Variants in TRIB2 observed in about 807,000 individuals in gnomAD.
TRIB2 encodes tribbles pseudokinase 2.
A neutral mutation model predicts 26.8 loss-of-function variants in TRIB2; 2 were observed. That is an observed-to-expected ratio of 0.07 (90% CI 0.03 to 0.24). The LOEUF (loss-of-function observed/expected upper bound fraction) is 0.24. Among genes scored for constraint, TRIB2 ranks in the 10% least tolerant of loss-of-function variants. The pLI is 1.00. For missense variants in TRIB2, 306 were observed against 449.0 expected (o/e 0.68, Z 2.88); for synonymous variants, 189 against 187.3 (o/e 1.01, Z -0.08).
At chr2:12,735,950 C>T (rs901316421) in intron 2 of TRIB2, among the ~76,000 whole-genome samples, 2 of 152,056 alleles carry the variant, frequency 1.3e-5, no homozygotes, top group Admixed American at 1.3e-4. Flanking sequence ...CACGAAGTAT[C>T]GGGCCTAGAT....
At position 12,716,978 on chromosome 2, in the gene TRIB2, C is replaced by G. The variant is rs1666603906; in HGVS notation, c.-1330C>G. On this transcript the variant is annotated 5_prime_UTR_variant, in exon 1 of 3. Transcript: ENST00000155926. ...AGGCGCGCGCGCGCACACGCGCACT[C>G]ACGGCCCCGCTCGCTCCGAGATCCC... The G allele has an allele frequency of 1.3e-5, 2 of 156,482 alleles. No homozygotes were observed. The highest frequency in any genetic ancestry group is 1.3e-4 in the Admixed American group (2 of 15,374). 9.7% of individuals were successfully genotyped at this position (156,482 alleles called of 1,614,324 possible).
At chr2:12,727,997 A>G (rs1169040705) in intron 2 of TRIB2, among the ~76,000 whole-genome samples, 1 of 152,152 alleles carries the variant, frequency 6.6e-6, no homozygotes, top group African/African-American at 2.4e-5. Flanking sequence ...CCCATGTTTC[A>G]GGCCCCTCCA....
In TRIB2 at chr2:12,718,272, G is replaced by GTTTTTTTTT; in HGVS notation, c.-35_-27dup. The stretch of plus-strand genomic sequence containing the variant: ...CGCCAGCGACTCATCTCTCCAGCGG[G>GTTTTTTTTT]TTTTTTTTTGTTTGTCGTGTGCGAT... On this transcript the variant is annotated 5_prime_UTR_variant, in exon 1 of 3. Transcript: ENST00000155926. This position sits in a 1 kb window ranked among gnomAD's most constrained non-coding sequence, Gnocchi z 4.0. 1 of 1,578,662 alleles carries GTTTTTTTTT rather than the reference G, an allele frequency of 6.3e-7. No homozygotes were observed. The highest frequency in any genetic ancestry group is 8.6e-7 in the Non-Finnish European group (1 of 1,158,982).
At chr2:12,724,507 A>T in intron 2 of TRIB2, 2 of 1,461,508 alleles carry the variant, frequency 1.4e-6, no homozygotes, top group East Asian at 4.6e-5. Flanking sequence ...CATAATGTGG[A>T]GACCAGCTCA....
In TRIB2 at chr2:12,723,268, T is replaced by C. The variant is rs1452098657; in HGVS notation, c.279T>C (p.Asp93=). 3.7e-6 allele frequency: 6 copies of C among 1,612,948 alleles called. No individual in the cohort carries two copies. The South Asian group carries it at 6.6e-5, about 18-fold the overall frequency. The change falls in exon 2 of 3, where the codon GAT becomes GAC. Residue 93 remains aspartate, a synonymous_variant. Transcript: ENST00000155926. The stretch of plus-strand genomic sequence containing the variant: ...TGTTAATCCTGTCGTAGGTGTTTGA[T>C]ATCAGCTGCTACCAGGAATCCCTGG... The part of the protein sequence containing the change: ...SGEELVCKVF[D]ISCYQESLAP...
chr2:12,736,627 G>A (rs1017889786), intron 2 of TRIB2, among the ~76,000 whole-genome samples: 2 of 152,150 alleles, frequency 1.3e-5, no homozygotes, highest in Non-Finnish European at 2.9e-5. Context: ...CCCTGGGGTC[G>A]ACAGCAGGAC....
At position 12,740,589 on chromosome 2, in the gene TRIB2, C is replaced by G. The variant is rs773967204; in HGVS notation, c.827C>G (p.Thr276Ser). 1.2e-6 allele frequency: 2 copies of G among 1,614,244 alleles called. No homozygotes were observed. Among genetic ancestry groups the G allele is most frequent in the Admixed American group, 3.3e-5 (2 of 60,026 alleles). Residue 276 changes from threonine to serine, a missense_variant, in exon 3 of 3, where the codon ACT becomes AGT. This residue lies in a region of TRIB2 where 78 missense variants were observed against 104.9 expected (regional missense o/e 0.74). Coordinates refer to ENST00000155926, the MANE Select transcript of TRIB2 (RefSeq NM_021643.4). The surrounding 1 kb of genome is among the most constrained non-coding windows in gnomAD (Gnocchi z 5.8). ...IRRGQFNIPE[T>S]LSPKAKCLIR... is the part of the protein sequence containing the mutation. The stretch of plus-strand genomic sequence containing the variant: ...CGTGGCCAGTTCAACATTCCAGAGA[C>G]TCTGTCGCCCAAGGCCAAGTGCCTC...
Position 12,742,420 on chromosome 2 carries a change from C to CA in TRIB2, c.*1627dup, listed in dbSNP as rs1221455475. The CA allele has an allele frequency of 1.3e-5, 2 of 152,660 alleles. No homozygotes were observed. Among genetic ancestry groups the CA allele is most frequent in the Admixed American group, 6.5e-5 (1 of 15,288 alleles). The allele number at this position is 152,660 out of a possible 1,614,324, so 9.5% of individuals were successfully genotyped here. A position where few individuals can be genotyped will look rare whatever the true frequency, so the allele number is the denominator to read the frequency against. ...GCCTGCGCAGCAGGAGCCCTGTCCTCACGTTCCCAGGAGGGCGGCTTCACC... is the reference window on the plus strand; with the variant it reads ...GCCTGCGCAGCAGGAGCCCTGTCCTCAACGTTCCCAGGAGGGCGGCTTCACC... On this transcript the variant is annotated 3_prime_UTR_variant, in exon 3 of 3. Coordinates refer to ENST00000155926, the MANE Select transcript of TRIB2 (RefSeq NM_021643.4).
At chr2:12,725,173 C>T (rs1360032559) in intron 2 of TRIB2, among the ~76,000 whole-genome samples, 1 of 152,230 alleles carries the variant, frequency 6.6e-6, no homozygotes, top group African/African-American at 2.4e-5. Context: ...AATGCCCTCT[C>T]TCGCAGGGAT....
Position 12,723,439 on chromosome 2 carries a change from G to A in TRIB2, c.450G>A (p.Glu150=). ...GCACCTGCAAGAAGCTGAGAGAGGA[G>A]GAGGCAGCCAGACTGTTCTACCAGA... ...FVRTCKKLRE[E]EAARLFYQIA... is the part of the protein sequence containing the mutation. The change falls in exon 2 of 3, where the codon GAG becomes GAA. Residue 150 remains glutamate, a synonymous_variant. Transcript: ENST00000155926. 1 of 1,614,234 alleles carries A rather than the reference G, an allele frequency of 6.2e-7. No individual in the cohort carries two copies. Among genetic ancestry groups the A allele is most frequent in the Non-Finnish European group, 8.5e-7 (1 of 1,180,036 alleles).
rs1257500592 is a variant in TRIB2 at position 12,718,274 on chromosome 2, T to A, written c.-34T>A. Reference sequence around the variant, plus strand: ...CCAGCGACTCATCTCTCCAGCGGGTTTTTTTTTGTTTGTCGTGTGCGATCC... The same window carrying A: ...CCAGCGACTCATCTCTCCAGCGGGTATTTTTTTGTTTGTCGTGTGCGATCC... On this transcript the variant is annotated 5_prime_UTR_variant, in exon 1 of 3. Coordinates refer to ENST00000155926, the MANE Select transcript of TRIB2 (RefSeq NM_021643.4). The surrounding 1 kb of genome is among the most constrained non-coding windows in gnomAD (Gnocchi z 4.0). 6.3e-7 allele frequency: 1 copy of A among 1,590,854 alleles called. No homozygotes were observed. The highest frequency in any genetic ancestry group is 1.8e-5 in the Admixed American group (1 of 57,136).
intron 2 of TRIB2, among the ~76,000 whole-genome samples, chr2:12,724,405 C>T (rs1403698681): frequency 6.6e-6 from 1 of 152,216 alleles, no homozygotes; most frequent in Non-Finnish European, 1.5e-5. Flanking sequence ...CTCCTTCAAG[C>T]CCTTTTTGTT....
rs555247699 is a variant in TRIB2 at position 12,739,800 on chromosome 2, T to G, written c.564-526T>G. 7.2e-5 allele frequency among the ~76,000 whole-genome samples: 11 copies of G among 152,342 alleles called. No homozygotes were observed. The East Asian group carries it at 1.7e-3, about 24-fold the overall frequency. On this transcript the variant is annotated intron_variant, in intron 2 of 2. Coordinates refer to ENST00000155926, the MANE Select transcript of TRIB2 (RefSeq NM_021643.4). The stretch of plus-strand genomic sequence containing the variant: ...TCTGTAAAATGGGATGTTAATATCC[T>G]ACGTGTCTAATACAAAGGGCTGTAG...
In TRIB2 at chr2:12,732,935, C is replaced by A. The variant is rs1221985635; in HGVS notation, c.564-7391C>A. Among the ~76,000 whole-genome samples, 1 of 152,138 alleles carries A rather than the reference C, an allele frequency of 6.6e-6. No individual in the cohort carries two copies. Among genetic ancestry groups the A allele is most frequent in the African/African-American group, 2.4e-5 (1 of 41,424 alleles). ...CAGTGACTTCTCTGGATTTCACTGA[C>A]CTTAGGCCACCGGACTTCCCATCCC... On this transcript the variant is annotated intron_variant, in intron 2 of 2. Coordinates refer to ENST00000155926, the MANE Select transcript of TRIB2 (RefSeq NM_021643.4). This position sits in a 1 kb window ranked among gnomAD's most constrained non-coding sequence, Gnocchi z 4.2.
rs1235801884 is a variant in TRIB2 at position 12,732,328 on chromosome 2, C to T, written c.564-7998C>T. ...GATTGGGTTTCCCATCCCAACTGTGCTATTTCCAAGCAAGTTCCTTCATCT... is the reference window on the plus strand; with the variant it reads ...GATTGGGTTTCCCATCCCAACTGTGTTATTTCCAAGCAAGTTCCTTCATCT... On this transcript the variant is annotated intron_variant, in intron 2 of 2. Transcript: ENST00000155926. The surrounding 1 kb of genome is among the most constrained non-coding windows in gnomAD (Gnocchi z 4.2). Among the ~76,000 whole-genome samples, 1 of 152,196 alleles carries T rather than the reference C, an allele frequency of 6.6e-6. No individual in the cohort carries two copies. Among genetic ancestry groups the T allele is most frequent in the African/African-American group, 2.4e-5 (1 of 41,448 alleles).
chr2:12,718,987 G>A lies in TRIB2; in HGVS notation c.270+410G>A, dbSNP rs1376046710. 1.3e-5 allele frequency among the ~76,000 whole-genome samples: 2 copies of A among 152,132 alleles called. No individual in the cohort carries two copies. The highest frequency in any genetic ancestry group is 4.8e-5 in the African/African-American group (2 of 41,432). On this transcript the variant is annotated intron_variant, in intron 1 of 2. Transcript: ENST00000155926. The surrounding 1 kb of genome is among the most constrained non-coding windows in gnomAD (Gnocchi z 4.0). ...TAAGACTGATGACTTCGTTCTTTTC[G>A]CAGCCATTGTTCTTAGCAGCGGGCA...
chr2:12,723,612 C>T (rs1270101305), intron 2 of TRIB2, 60 bp downstream of exon 2: 17 of 1,545,480 alleles, frequency 1.1e-5, no homozygotes, highest in Non-Finnish European at 1.4e-5. Flanking sequence ...CAACAGCTTC[C>T]TAGAAAAGTC....
chr2:12,742,474 G>A lies in TRIB2; in HGVS notation c.*1680G>A, dbSNP rs1661730066. Reference sequence around the variant, plus strand: ...CGTAACCAGGAGACAAGGCGGCCATGGATTTGCCCTTGATTCTATTTTGCT... The same window carrying A: ...CGTAACCAGGAGACAAGGCGGCCATAGATTTGCCCTTGATTCTATTTTGCT... On this transcript the variant is annotated 3_prime_UTR_variant, in exon 3 of 3. Transcript: ENST00000155926. 1 of 152,538 alleles carries A rather than the reference G, an allele frequency of 6.6e-6. No individual in the cohort carries two copies. The highest frequency in any genetic ancestry group is 1.5e-5 in the Non-Finnish European group (1 of 68,024). 9.4% of individuals were successfully genotyped at this position (152,538 alleles called of 1,614,324 possible).
intron 2 of TRIB2, among the ~76,000 whole-genome samples, chr2:12,725,526 TCTC>T (rs1177946505): frequency 2.0e-5 from 3 of 152,140 alleles, no homozygotes; most frequent in Non-Finnish European, 4.4e-5. Flanking sequence ...AGCCTTTGCT[TCTC>T]CTTTATGAGT....
Sources: allele counts gnomAD v4.1 joint callset (sites outside exome capture counted in the v4.1 genomes callset), GRCh38; gene constraint gnomAD v4.1.1; regional missense constraint gnomAD v4.1.1; non-coding constraint Gnocchi (gnomAD v3.1); transcripts MANE v1.5; gene names NCBI Gene and HGNC (gene_info 2026-07-23, HGNC 2026-07-21).